LIPA: variants seen among roughly 807,000 people sequenced by gnomAD.
LIPA encodes lysosomal acid lipase/cholesteryl ester hydrolase.
LIPA carries 26 observed loss-of-function variants against 40.6 expected under a neutral mutation model. That is an observed-to-expected ratio of 0.64 (90% CI 0.47 to 0.89). The LOEUF (loss-of-function observed/expected upper bound fraction) is 0.89. LIPA is among the 40% of genes least tolerant of loss of function. LIPA has a pLI of 0.00. For missense variants in LIPA, 455 were observed against 479.6 expected (o/e 0.95, Z 0.48); for synonymous variants, 188 against 168.4 (o/e 1.12, Z -0.90).
chr10:89,366,920 C>G (rs2133595251), intron 2 of LIPA, among the ~76,000 whole-genome samples: 1 of 152,298 alleles, frequency 6.6e-6, no homozygotes, highest in Non-Finnish European at 1.5e-5. Flanking sequence ...GACTTGGAAC[C>G]AATCCAAATG....
intron 1 of LIPA, among the ~76,000 whole-genome samples, chr10:89,259,776 G>A (rs893831188): frequency 6.6e-6 from 1 of 152,094 alleles, no homozygotes; most frequent in African/African-American, 2.4e-5. Context: ...AGAGAAAGAG[G>A]ACAAACAAAA....
intron 1 of LIPA, among the ~76,000 whole-genome samples, chr10:89,284,815 A>G (rs948116729): frequency 3.3e-5 from 5 of 152,230 alleles, no homozygotes; most frequent in Non-Finnish European, 5.9e-5. Context: ...TCACAAAAGA[A>G]GTGAAAATGG....
At chr10:89,393,562 A>G (rs1844290088) in intron 2 of LIPA, among the ~76,000 whole-genome samples, 1 of 152,168 alleles carries the variant, frequency 6.6e-6, no homozygotes, top group African/African-American at 2.4e-5. Context: ...GTGAAACCCC[A>G]TCTCTACTAA....
chr10:89,392,466 T>TTTCCC, intron 2 of LIPA: 2 of 285,988 alleles, frequency 7.0e-6, no homozygotes, highest in Non-Finnish European at 1.2e-5. Flanking sequence ...AAAGTTTCAT[T>TTTCCC]CCCCACCCCC....
At chr10:89,302,036 A>T in intron 1 of LIPA, 1 of 1,497,670 alleles carries the variant, frequency 6.7e-7, no homozygotes, top group South Asian at 1.1e-5. Flanking sequence ...TCTCTTCAGC[A>T]TTTATTGGTG....
intron 2 of LIPA, among the ~76,000 whole-genome samples, chr10:89,386,184 TG>T (rs1385337737): frequency 6.6e-6 from 1 of 152,082 alleles, no homozygotes; most frequent in Non-Finnish European, 1.5e-5. Flanking sequence ...AAACCATAAG[TG>T]CATGCCACCA....
chr10:89,373,334 CAAAAAAA>C (rs34479360), intron 2 of LIPA, among the ~76,000 whole-genome samples: 1,077 of 63,134 alleles, frequency 0.017, 20 homozygotes, highest in East Asian at 0.083. Flanking sequence ...GACTCCCTCT[CAAAAAAA>C]AAAAAAAAAA....
chr10:89,312,180 C>T (rs889035533), intron 1 of LIPA, among the ~76,000 whole-genome samples: 1 of 152,222 alleles, frequency 6.6e-6, no homozygotes. Flanking sequence ...GTGGCTCACA[C>T]CTGTAATCGC....
chr10:89,232,313 C>T (rs1842851884), intron 3 of LIPA, among the ~76,000 whole-genome samples: 1 of 152,180 alleles, frequency 6.6e-6, no homozygotes, highest in South Asian at 2.1e-4. Context: ...TTTTCACCCA[C>T]CAGGAGTGAT....
intron 1 of LIPA, among the ~76,000 whole-genome samples, chr10:89,268,777 G>A (rs996262118): frequency 1.3e-5 from 2 of 151,522 alleles, no homozygotes; most frequent in African/African-American, 4.8e-5. Context: ...ACGAGGCCAG[G>A]AGATTGAGAC....
intron 9 of LIPA, among the ~76,000 whole-genome samples, chr10:89,215,548 C>T (rs1465979427): frequency 6.6e-6 from 1 of 152,234 alleles, no homozygotes; most frequent in Non-Finnish European, 1.5e-5. Context: ...GTGCCTCACA[C>T]TTCAGTGCAT....
chr10:89,213,895 CA>C lies in LIPA; in HGVS notation c.*932del, dbSNP rs1842583841. ...TTTGCATCCGAAAACATCACGTTCA[CA>C]CTTCATTTGGGTGAAAATGAACAAG... On this transcript the variant is annotated 3_prime_UTR_variant, in exon 10 of 10. Coordinates refer to ENST00000336233, the MANE Select transcript of LIPA (RefSeq NM_000235.4). 1 of 152,224 alleles carries C rather than the reference CA, an allele frequency of 6.6e-6. No homozygotes were observed. 9.4% of individuals were successfully genotyped at this position (152,224 alleles called of 1,614,324 possible). A position where few individuals can be genotyped will look rare whatever the true frequency, so the allele number is the denominator to read the frequency against.
chr10:89,384,284 T>G (rs779937976), intron 2 of LIPA: 1 of 1,614,220 alleles, frequency 6.2e-7, no homozygotes, highest in Non-Finnish European at 8.5e-7. Flanking sequence ...TTGGTTCAAT[T>G]GGCTATATGC....
At chr10:89,381,547 A>G (rs181879647) in intron 2 of LIPA, among the ~76,000 whole-genome samples, 27 of 152,116 alleles carry the variant, frequency 1.8e-4, no homozygotes, top group African/African-American at 6.5e-4. Context: ...TATTCCACAG[A>G]CTCAAGGATG....
chr10:89,372,274 C>A (rs1312025062), intron 2 of LIPA, among the ~76,000 whole-genome samples: 1 of 152,198 alleles, frequency 6.6e-6, no homozygotes, highest in African/African-American at 2.4e-5. Flanking sequence ...TTGCACACTG[C>A]AAGAGTAGCC....
chr10:89,257,990 A>C (rs1250568861), intron 1 of LIPA, among the ~76,000 whole-genome samples: 1 of 152,254 alleles, frequency 6.6e-6, no homozygotes, highest in Non-Finnish European at 1.5e-5. Context: ...ACAACCAGCC[A>C]GAGTGGGAAA....
chr10:89,314,008 A>G (rs959531561), intron 1 of LIPA, among the ~76,000 whole-genome samples: 2 of 152,208 alleles, frequency 1.3e-5, no homozygotes, highest in Admixed American at 6.5e-5. Context: ...GGATTATATG[A>G]TATGTGAATT....
intron 1 of LIPA, chr10:89,332,643 T>C (rs1395362342): frequency 1.9e-6 from 3 of 1,613,014 alleles, no homozygotes; most frequent in African/African-American, 1.3e-5. Context: ...TAGTCCCTGC[T>C]TCTCTGATAG....
chr10:89,289,811 T>C (rs973182255), intron 1 of LIPA, among the ~76,000 whole-genome samples: 1 of 152,178 alleles, frequency 6.6e-6, no homozygotes, highest in Admixed American at 6.6e-5. Context: ...CTTTTACACT[T>C]ACTCTTATTC....
Sources: allele counts gnomAD v4.1 joint callset (sites outside exome capture counted in the v4.1 genomes callset), GRCh38; gene constraint gnomAD v4.1.1; transcripts MANE v1.5; gene names NCBI Gene and HGNC (gene_info 2026-07-23, HGNC 2026-07-21).